The following VWC2L variants were observed in gnomAD, a reference collection of about 807,000 sequenced individuals.
The protein encoded by VWC2L is von Willebrand factor C domain-containing protein 2-like.
VWC2L carries 10 observed loss-of-function variants against 21.6 expected under a neutral mutation model. The ratio of observed to expected loss-of-function variants is 0.46; its 90% confidence interval spans 0.29 to 0.78. The LOEUF (loss-of-function observed/expected upper bound fraction) is 0.78, where lower values mean the gene tolerates loss of function less well. Among genes scored for constraint, VWC2L ranks in the 30% least tolerant of loss-of-function variants. The pLI is 0.10. For synonymous variants in VWC2L, 96 were observed against 94.3 expected (o/e 1.02, Z -0.10); for missense variants, 209 against 277.1 (o/e 0.75, Z 1.74).
intron 3 of VWC2L, among the ~76,000 whole-genome samples, chr2:214,551,049 TC>T (rs1689786486): frequency 6.6e-6 from 1 of 152,114 alleles, no homozygotes; most frequent in South Asian, 2.1e-4. Flanking sequence ...GCAGAACAGC[TC>T]CTTCTATTCA....
chr2:214,547,216 GCA>G (rs1689722859), intron 3 of VWC2L, among the ~76,000 whole-genome samples: 1 of 90,004 alleles, frequency 1.1e-5, no homozygotes, highest in Non-Finnish European at 2.4e-5. Context: ...GTTTACTTCT[GCA>G]AGGAAATTTT....
At chr2:214,476,393 G>T (rs1250484692) in intron 3 of VWC2L, among the ~76,000 whole-genome samples, 3 of 152,140 alleles carry the variant, frequency 2.0e-5, no homozygotes, top group African/African-American at 7.2e-5. Flanking sequence ...TTTTCATATA[G>T]TAATAGTATA....
intron 3 of VWC2L, among the ~76,000 whole-genome samples, chr2:214,575,254 A>G (rs2105936329): frequency 6.6e-6 from 1 of 152,230 alleles, no homozygotes; most frequent in African/African-American, 2.4e-5. Flanking sequence ...CACCACAGGA[A>G]AAGAGAAGGA....
intron 3 of VWC2L, among the ~76,000 whole-genome samples, chr2:214,505,032 A>G (rs948558665): frequency 2.0e-5 from 3 of 152,146 alleles, no homozygotes; most frequent in African/African-American, 4.8e-5. Flanking sequence ...CAGGAATGCT[A>G]TTTCCTGTCC....
At chr2:214,480,784 C>A (rs1313355713) in intron 3 of VWC2L, among the ~76,000 whole-genome samples, 1 of 129,500 alleles carries the variant, frequency 7.7e-6, no homozygotes, top group Admixed American at 9.8e-5. Flanking sequence ...TCCCCCTGGA[C>A]AGAAATCAGT....
At chr2:214,490,055 G>A (rs974609796) in intron 3 of VWC2L, among the ~76,000 whole-genome samples, 2 of 152,164 alleles carry the variant, frequency 1.3e-5, no homozygotes, top group African/African-American at 2.4e-5. Flanking sequence ...CAGCCAGTCT[G>A]CCACAAATAG....
intron 2 of VWC2L, among the ~76,000 whole-genome samples, chr2:214,425,389 A>C (rs1283426489): frequency 3.3e-5 from 5 of 152,216 alleles, no homozygotes. Flanking sequence ...ACTTAACAGC[A>C]GGCATGTTCA....
chr2:214,567,588 AC>A (rs1690086222), intron 3 of VWC2L, among the ~76,000 whole-genome samples: 1 of 132,674 alleles, frequency 7.5e-6, no homozygotes, highest in Non-Finnish European at 1.7e-5. Context: ...ACACACACAC[AC>A]ACACACAGAG....
chr2:214,554,025 A>G (rs919676649), intron 3 of VWC2L, among the ~76,000 whole-genome samples: 1 of 152,000 alleles, frequency 6.6e-6, no homozygotes, highest in African/African-American at 2.4e-5. Flanking sequence ...CCTCCAATAG[A>G]CCACAAGCCC....
Position 214,475,279 on chromosome 2 carries a change from A to G in VWC2L, c.520+38521A>G, listed in dbSNP as rs540173205. Among the ~76,000 whole-genome samples, 11 of 152,294 alleles carry G rather than the reference A, an allele frequency of 7.2e-5. No homozygotes were observed. In the South Asian group the frequency reaches 1.9e-3, roughly 26 times the overall value. On this transcript the variant is annotated intron_variant, in intron 3 of 3. Coordinates refer to ENST00000312504, the MANE Select transcript of VWC2L (RefSeq NM_001080500.4). ...AATTCAAATGCTAGATGGGCTGGGCAAGGAACAAAGGTAAGTGAAGTAGGG... is the reference window on the plus strand; with the variant it reads ...AATTCAAATGCTAGATGGGCTGGGCGAGGAACAAAGGTAAGTGAAGTAGGG...
At chr2:214,445,561 C>T (rs775029533) in intron 3 of VWC2L, among the ~76,000 whole-genome samples, 5 of 150,610 alleles carry the variant, frequency 3.3e-5, no homozygotes, top group African/African-American at 4.9e-5. Context: ...ATAGAGAGAC[C>T]CTATTTTTAC....
At chr2:214,536,698 A>G (rs1017150596) in intron 3 of VWC2L, 2 of 152,062 alleles carry the variant, frequency 1.3e-5, no homozygotes, top group African/African-American at 2.4e-5. Flanking sequence ...AAAGTTTTCT[A>G]AAAATGTATA....
intron 3 of VWC2L, among the ~76,000 whole-genome samples, chr2:214,470,217 T>C (rs1239853211): frequency 6.6e-6 from 1 of 152,064 alleles, no homozygotes; most frequent in Non-Finnish European, 1.5e-5. Flanking sequence ...AAATGCTTTT[T>C]TTTTTTGCAC....
Position 214,436,613 on chromosome 2 carries a change from T to C in VWC2L, c.391-16T>C, listed in dbSNP as rs1300166265. 1 of 1,612,044 alleles carries C rather than the reference T, an allele frequency of 6.2e-7. No homozygotes were observed. Among genetic ancestry groups the C allele is most frequent in the South Asian group, 1.1e-5 (1 of 91,024 alleles). On this transcript the variant is annotated splice_polypyrimidine_tract_variant and intron_variant, in intron 2 of 3. Transcript: ENST00000312504. Reference sequence around the variant, plus strand: ...AGTTATAGGAGAAAAGGGGCTAATTTTAGATTTGTTCCTAGCCCTCTCCAT... The same window carrying C: ...AGTTATAGGAGAAAAGGGGCTAATTCTAGATTTGTTCCTAGCCCTCTCCAT...
At chr2:214,491,643 T>A (rs1233553550) in intron 3 of VWC2L, among the ~76,000 whole-genome samples, 2 of 152,158 alleles carry the variant, frequency 1.3e-5, no homozygotes, top group African/African-American at 2.4e-5. Flanking sequence ...AGATTTCCCT[T>A]CGTGCCCTGA....
chr2:214,417,486 A>G (rs1296759204), intron 2 of VWC2L, among the ~76,000 whole-genome samples: 1 of 152,204 alleles, frequency 6.6e-6, no homozygotes, highest in Non-Finnish European at 1.5e-5. Flanking sequence ...CTAACCCTAT[A>G]CATCTTGTAG....
intron 3 of VWC2L, among the ~76,000 whole-genome samples, chr2:214,575,268 G>GC (rs1389739807): frequency 1.3e-5 from 2 of 152,058 alleles, no homozygotes; most frequent in Admixed American, 6.6e-5. Context: ...AGAAGGACAG[G>GC]CCAAGGGTGC....
At chr2:214,499,253 C>T (rs779497676) in intron 3 of VWC2L, among the ~76,000 whole-genome samples, 3 of 151,716 alleles carry the variant, frequency 2.0e-5, no homozygotes, top group African/African-American at 7.3e-5. Context: ...CTCCTGACCT[C>T]GTGATCCACC....
chr2:214,575,480 T>C (rs1690215384), intron 3 of VWC2L, among the ~76,000 whole-genome samples, 192 bp from the exon 4 acceptor site: 1 of 152,106 alleles, frequency 6.6e-6, no homozygotes, highest in Admixed American at 6.6e-5. Flanking sequence ...ACACGGGAAA[T>C]ATGAGCTGTG....
Sources: gnomAD v4.1 joint callset for allele counts (sites outside exome capture counted in the v4.1 genomes callset) on GRCh38, gnomAD v4.1.1 for gene constraint, MANE v1.5 for transcripts, NCBI Gene and HGNC (gene_info 2026-07-23, HGNC 2026-07-21) for gene names.